Variants in LAMA2 observed in about 807,000 individuals in gnomAD.
LAMA2 encodes the protein laminin subunit alpha-2.
Under a neutral mutation model 364.8 loss-of-function variants are expected in LAMA2, and 269 were observed. The observed-to-expected ratio is 0.74, with a 90% CI of 0.67 to 0.82. The LOEUF (loss-of-function observed/expected upper bound fraction) is 0.82. LAMA2 is among the 40% of genes least tolerant of loss of function. The probability of loss-of-function intolerance (pLI) is 0.00; values close to 1 mark genes in which losing one functional copy is unlikely to be tolerated. For synonymous variants in LAMA2, 1,379 were observed against 1,370.6 expected (o/e 1.01, Z -0.14); for missense variants, 3,807 against 3,873.2 (o/e 0.98, Z 0.45).
intron 37 of LAMA2, among the ~76,000 whole-genome samples, chr6:129,400,886 G>A (rs774081416): frequency 2.0e-5 from 3 of 152,192 alleles, no homozygotes; most frequent in Non-Finnish European, 4.4e-5. Flanking sequence ...TCAATATGTA[G>A]TACCAATATA....
chr6:129,269,711 G>T (rs1351599178), intron 16 of LAMA2, among the ~76,000 whole-genome samples: 2 of 151,946 alleles, frequency 1.3e-5, no homozygotes, highest in Non-Finnish European at 2.9e-5. Flanking sequence ...CAATTCTTCA[G>T]TAATAGCTTA....
At chr6:129,036,690 A>G (rs1190718427) in intron 1 of LAMA2, among the ~76,000 whole-genome samples, 1 of 151,978 alleles carries the variant, frequency 6.6e-6, no homozygotes, top group Non-Finnish European at 1.5e-5. Flanking sequence ...CTCCAAAAAT[A>G]CTCTTTTATT....
Position 129,473,338 on chromosome 6 carries a change from G to A in LAMA2, c.7425G>A (p.Thr2475=), listed in dbSNP as rs1445712042. The change falls in exon 52 of 65, where the codon ACG becomes ACA. Residue 2475 remains threonine (T), a synonymous_variant. Coordinates refer to ENST00000421865, the MANE Select transcript of LAMA2 (RefSeq NM_000426.4). The part of the protein sequence containing the change: ...DDKIYFGGLP[T]LRNLSMKARP... ...AAATATATTTTGGTGGCCTGCCAAC[G>A]CTGAGAAACTTGAGGTAATTTAGTT... is the stretch of plus-strand genomic sequence containing the variant. The A allele has an allele frequency of 5.6e-6, 9 of 1,612,308 alleles. No individual in the cohort carries two copies. The highest frequency in any genetic ancestry group is 2.2e-5 in the South Asian group (2 of 91,046).
chr6:128,976,935 T>C (rs1562887347), intron 1 of LAMA2, among the ~76,000 whole-genome samples: 3 of 152,196 alleles, frequency 2.0e-5, no homozygotes, highest in East Asian at 1.9e-4. Context: ...GTTCCCAGTG[T>C]AATACAGGAA....
intron 44 of LAMA2, among the ~76,000 whole-genome samples, chr6:129,444,411 C>T (rs561062256): frequency 1.2e-4 from 19 of 152,136 alleles, no homozygotes; most frequent in South Asian, 1.0e-3. Flanking sequence ...AATGAACAAA[C>T]GGTTTATTAA....
At chr6:129,353,413 A>C in intron 32 of LAMA2, 56 bp downstream of exon 32, 105 of 1,425,710 alleles carry the variant, frequency 7.4e-5, no homozygotes, top group Non-Finnish European at 9.5e-5. Context: ...GTTCTGTCTC[A>C]TTTCCAATGA....
chr6:129,377,941 A>C (rs141664297), intron 34 of LAMA2, among the ~76,000 whole-genome samples: 1 of 152,246 alleles, frequency 6.6e-6, no homozygotes, highest in Non-Finnish European at 1.5e-5. Flanking sequence ...ATACTCTAAA[A>C]AACAAAACAA....
chr6:129,165,760 G>A (rs984688677), intron 9 of LAMA2, 85 bp downstream of exon 9: 4 of 849,310 alleles, frequency 4.7e-6, no homozygotes, highest in Non-Finnish European at 6.0e-6. Context: ...ATATTTTGCA[G>A]TAAATGTTAT....
At chr6:129,158,801 T>G in intron 8 of LAMA2, 1 of 1,614,172 alleles carries the variant, frequency 6.2e-7, no homozygotes, top group Non-Finnish European at 8.5e-7. Flanking sequence ...GCACTGAAAA[T>G]CAGATCCTTC....
At chr6:128,998,200 G>A (rs536882398) in intron 1 of LAMA2, among the ~76,000 whole-genome samples, 4 of 152,052 alleles carry the variant, frequency 2.6e-5, no homozygotes, top group Non-Finnish European at 4.4e-5. Context: ...GAAGGAAGAT[G>A]GCGAACCAGA....
intron 17 of LAMA2, among the ~76,000 whole-genome samples, chr6:129,278,883 C>T (rs939779476): frequency 6.6e-6 from 1 of 152,140 alleles, no homozygotes; most frequent in Non-Finnish European, 1.5e-5. Context: ...TAAATCTTTA[C>T]AGAACTACCC....
In LAMA2 at chr6:129,404,111, C is replaced by T. The variant is rs930606464; in HGVS notation, c.5865+152C>T. 7.9e-5 allele frequency: 63 copies of T among 795,204 alleles called. 1 individual carries two copies. The highest frequency in any genetic ancestry group is 3.7e-4 in the Middle Eastern group (1 of 2,738). 49.3% of individuals were successfully genotyped at this position (795,204 alleles called of 1,614,324 possible). A position where few individuals can be genotyped will look rare whatever the true frequency, so the allele number is the denominator to read the frequency against. ...TTAAAATTTGCCTAAAATAAATTCT[C>T]GGTATGCTATAATTATAGCAGAACT... On this transcript the variant is annotated intron_variant, in intron 40 of 64. Coordinates refer to ENST00000421865, the MANE Select transcript of LAMA2 (RefSeq NM_000426.4).
chr6:129,077,862 T>C (rs1773761484), intron 3 of LAMA2, among the ~76,000 whole-genome samples: 1 of 152,126 alleles, frequency 6.6e-6, no homozygotes, highest in African/African-American at 2.4e-5. Flanking sequence ...AATCAGGATT[T>C]GAGGGAGTGG....
intron 58 of LAMA2, among the ~76,000 whole-genome samples, chr6:129,494,175 T>A (rs1330892714): frequency 6.6e-6 from 1 of 152,238 alleles, no homozygotes; most frequent in Non-Finnish European, 1.5e-5. Flanking sequence ...GTGGTTATAT[T>A]CCATACCAGT....
At chr6:129,380,887 C>A (rs1388002376) in intron 34 of LAMA2, among the ~76,000 whole-genome samples, 1 of 152,120 alleles carries the variant, frequency 6.6e-6, no homozygotes, top group African/African-American at 2.4e-5. Context: ...ATGACTCTTA[C>A]ACATTACTAC....
At chr6:128,900,772 C>T (rs966332864) in intron 1 of LAMA2, among the ~76,000 whole-genome samples, 6 of 152,168 alleles carry the variant, frequency 3.9e-5, no homozygotes, top group Admixed American at 3.9e-4. Context: ...AAGATTGCCT[C>T]TTTACTTTTT....
intron 4 of LAMA2, among the ~76,000 whole-genome samples, chr6:129,129,935 A>T (rs1777364654): frequency 6.8e-6 from 1 of 147,772 alleles, no homozygotes; most frequent in Non-Finnish European, 1.5e-5. Flanking sequence ...AAAAAAAAAA[A>T]AAAAAAAATA....
chr6:128,909,464 C>A (rs367622689), intron 1 of LAMA2, among the ~76,000 whole-genome samples: 3 of 150,594 alleles, frequency 2.0e-5, no homozygotes, highest in Non-Finnish European at 4.4e-5. Flanking sequence ...GCAACCCCTG[C>A]CTTTTTTTGT....
chr6:129,305,402 G>A (rs991976009), intron 22 of LAMA2, among the ~76,000 whole-genome samples: 6 of 151,462 alleles, frequency 4.0e-5, no homozygotes, highest in African/African-American at 1.5e-4. Context: ...TCAGCTCACT[G>A]CACCCTCCAC....
Sources: gnomAD v4.1 joint callset for allele counts (sites outside exome capture counted in the v4.1 genomes callset) on GRCh38, gnomAD v4.1.1 for gene constraint, MANE v1.5 for transcripts, NCBI Gene and HGNC (gene_info 2026-07-23, HGNC 2026-07-21) for gene names.